The following MCTP1 variants were observed in gnomAD, a reference collection of about 807,000 sequenced individuals.
The protein encoded by MCTP1 is multiple C2 and transmembrane domain-containing protein 1.
MCTP1 carries 69 observed loss-of-function variants against 120.6 expected under a neutral mutation model. The ratio of observed to expected loss-of-function variants is 0.57; its 90% CI spans 0.47 to 0.70. The LOEUF (loss-of-function observed/expected upper bound fraction) is 0.70, where lower values mean the gene tolerates loss of function less well. Ranked by LOEUF, MCTP1 falls within the 30% of genes least tolerant of loss-of-function variation. The probability of loss-of-function intolerance (pLI) is 0.00; values close to 1 mark genes in which losing one functional copy is unlikely to be tolerated. For synonymous variants in MCTP1, 529 were observed against 493.1 expected (o/e 1.07, Z -0.96); for missense variants, 1,203 against 1,248.8 (o/e 0.96, Z 0.55).
chr5:94,882,195 A>G (rs778664784), intron 12 of MCTP1, among the ~76,000 whole-genome samples: 1 of 152,158 alleles, frequency 6.6e-6, no homozygotes, highest in Admixed American at 6.6e-5. Flanking sequence ...TCTCACATAA[A>G]ATGAATTAAG....
chr5:95,036,911 T>TTCACTCACTCACTCAC (rs141556044), intron 1 of MCTP1, among the ~76,000 whole-genome samples: 27,611 of 151,480 alleles, frequency 0.18, 3,220 homozygotes, highest in East Asian at 0.57. Flanking sequence ...ATTTCATTCT[T>TTCACTCACTCACTCAC]TCACTCACTC....
intron 16 of MCTP1, among the ~76,000 whole-genome samples, chr5:94,868,689 C>A (rs1399828089): frequency 6.6e-6 from 1 of 151,850 alleles, no homozygotes; most frequent in Admixed American, 6.6e-5. Context: ...GGTTGGACTA[C>A]CTTTGCTCAC....
chr5:94,819,121 TCA>T (rs1314601932), intron 17 of MCTP1, among the ~76,000 whole-genome samples: 1 of 151,096 alleles, frequency 6.6e-6, no homozygotes, highest in African/African-American at 2.4e-5. Context: ...ATTTATTTAT[TCA>T]TTCATTCATT....
intron 1 of MCTP1, among the ~76,000 whole-genome samples, chr5:95,024,648 TACACACAC>T (rs111890273): frequency 1.4e-5 from 2 of 146,264 alleles, no homozygotes; most frequent in Non-Finnish European, 3.0e-5. Context: ...GGCATTCAAA[TACACACAC>T]ACACACACAC....
intron 1 of MCTP1, among the ~76,000 whole-genome samples, chr5:95,045,908 G>C (rs140410614): frequency 6.6e-6 from 1 of 152,236 alleles, no homozygotes; most frequent in Admixed American, 6.5e-5. Context: ...TTCTTAGAAA[G>C]TGGGAAAGTG....
At position 94,967,757 on chromosome 5, in the gene MCTP1, G is replaced by A. The variant is rs75802320; in HGVS notation, c.839-14396C>T. Among the ~76,000 whole-genome samples the A allele has an allele frequency of 2.6e-5, 4 of 152,206 alleles. No homozygotes were observed. The South Asian group carries it at 8.3e-4, about 31-fold the overall frequency. The stretch of plus-strand genomic sequence containing the variant: ...AAACGTGTGGTCTTGGTCACAGGGT[G>A]ACCTGGTTTAAAAGTGGTAAATATG... On this transcript the variant is annotated intron_variant, in intron 2 of 22. Transcript: ENST00000515393.
intron 1 of MCTP1, among the ~76,000 whole-genome samples, chr5:95,190,508 T>C (rs1454341910): frequency 6.6e-6 from 1 of 152,100 alleles, no homozygotes; most frequent in African/African-American, 2.4e-5. Flanking sequence ...TCTAGAGCTA[T>C]TGATTTTTGA....
At chr5:94,995,868 CTAAGA>C (rs1323822295) in intron 2 of MCTP1, among the ~76,000 whole-genome samples, 1 of 152,100 alleles carries the variant, frequency 6.6e-6, no homozygotes, top group African/African-American at 2.4e-5. Context: ...GTCTCAGTTA[CTAAGA>C]TAAGGTGAAG....
At chr5:94,886,750 C>A (rs554262874) in intron 12 of MCTP1, among the ~76,000 whole-genome samples, 28 of 152,068 alleles carry the variant, frequency 1.8e-4, no homozygotes, top group Non-Finnish European at 3.2e-4. Flanking sequence ...CTGTTATTAT[C>A]CACTGAGACG....
At chr5:94,777,728 A>G (rs1266963559) in intron 19 of MCTP1, among the ~76,000 whole-genome samples, 3 of 152,174 alleles carry the variant, frequency 2.0e-5, no homozygotes, top group Non-Finnish European at 2.9e-5. Context: ...AATAAATCAT[A>G]TCATTTATTG....
intron 1 of MCTP1, among the ~76,000 whole-genome samples, chr5:95,147,851 C>A (rs1325156614): frequency 1.3e-5 from 2 of 152,230 alleles, no homozygotes; most frequent in Admixed American, 1.3e-4. Flanking sequence ...CTTTCATTTC[C>A]ATGTTTAGCA....
At chr5:94,955,882 G>A (rs968596215) in intron 2 of MCTP1, among the ~76,000 whole-genome samples, 3 of 152,216 alleles carry the variant, frequency 2.0e-5, no homozygotes, top group African/African-American at 7.2e-5. Flanking sequence ...TCTGAAGAGA[G>A]CAGCAGATCT....
At chr5:95,090,819 C>T (rs918916683) in intron 1 of MCTP1, among the ~76,000 whole-genome samples, 5 of 152,158 alleles carry the variant, frequency 3.3e-5, no homozygotes, top group Admixed American at 1.3e-4. Flanking sequence ...AGAGTGCTCC[C>T]ACATCTCTGT....
At chr5:95,264,923 A>C (rs2152723844) in intron 1 of MCTP1, among the ~76,000 whole-genome samples, 1 of 152,270 alleles carries the variant, frequency 6.6e-6, no homozygotes, top group East Asian at 1.9e-4. Context: ...AGACCTGATG[A>C]CTGAGGCCTG....
chr5:95,053,286 C>T (rs1203326853), intron 1 of MCTP1, among the ~76,000 whole-genome samples: 1 of 152,128 alleles, frequency 6.6e-6, no homozygotes, highest in African/African-American at 2.4e-5. Context: ...GCTGCTCAGT[C>T]CTATAAAATC....
chr5:94,826,164 G>A (rs942978141), intron 17 of MCTP1: 1 of 374,324 alleles, frequency 2.7e-6, no homozygotes, highest in Non-Finnish European at 5.2e-6. Context: ...TATTTACCAA[G>A]AGATCGAGCA....
chr5:94,746,394 C>T (rs933140295), intron 19 of MCTP1, among the ~76,000 whole-genome samples: 3 of 152,164 alleles, frequency 2.0e-5, no homozygotes, highest in Non-Finnish European at 4.4e-5. Context: ...ATCTTTTACA[C>T]GGTAAACCCC....
chr5:94,731,789 TG>T (rs1763169784), intron 19 of MCTP1, among the ~76,000 whole-genome samples: 1 of 152,230 alleles, frequency 6.6e-6, no homozygotes, highest in African/African-American at 2.4e-5. Context: ...GACAGATAGC[TG>T]GGGAAAACAA....
chr5:95,117,222 C>T (rs1660828226), intron 1 of MCTP1, among the ~76,000 whole-genome samples: 1 of 151,842 alleles, frequency 6.6e-6, no homozygotes, highest in South Asian at 2.1e-4. Context: ...AACCCCGTCT[C>T]TACTAAAAAC....
Sources: gnomAD v4.1 joint callset for allele counts (sites outside exome capture counted in the v4.1 genomes callset) on GRCh38, gnomAD v4.1.1 for gene constraint, MANE v1.5 for transcripts, NCBI Gene and HGNC (gene_info 2026-07-23, HGNC 2026-07-21) for gene names.